Variants in PKD1L3 observed in about 807,000 individuals in gnomAD.
PKD1L3 encodes polycystin-1-like protein 3.
In PKD1L3, 239 loss-of-function variants were observed where a neutral mutation model predicts 184.1. The observed-to-expected ratio is 1.30, with a 90% CI of 1.17 to 1.45. The LOEUF is 1.45. PKD1L3 is among the 40% of genes most tolerant of loss of function. PKD1L3 has a pLI of 0.00. For synonymous variants in PKD1L3, 996 were observed against 778.8 expected (o/e 1.28, Z -4.64); for missense variants, 2,660 against 2,067.2 (o/e 1.29, Z -5.56).
intron 19 of PKD1L3, 42 bp downstream of exon 19, chr16:71,951,522 A>T: frequency 6.6e-7 from 1 of 1,511,564 alleles, no homozygotes; most frequent in African/African-American, 1.4e-5. Flanking sequence ...AGGGAGTGGG[A>T]GGCAGATGGA....
chr16:71,963,557 G>A (rs1284848255), intron 15 of PKD1L3, among the ~76,000 whole-genome samples: 1 of 152,186 alleles, frequency 6.6e-6, no homozygotes, highest in East Asian at 1.9e-4. Context: ...TGAGGCAGGT[G>A]GATTGCTTGA....
intron 3 of PKD1L3, 149 bp downstream of exon 3, chr16:71,993,067 G>C: frequency 2.0e-6 from 1 of 501,462 alleles, no homozygotes; most frequent in Non-Finnish European, 3.4e-6. Context: ...TGAAGGCAAA[G>C]ACTGCCATAT....
rs1294261218 is a variant in PKD1L3 at position 71,973,497 on chromosome 16, G to C, written c.1780C>G (p.Leu594Val). ...WQKDEEYTWV[L>V]NPEHLQHGIG... ...CCGTGCTGCAGATGCTCTGGATTCA[G>C]CACCCACGTGTACTCCTCATCTTAG... The change falls in exon 12 of 30, where the codon CTG becomes GTG. Residue 594 changes from leucine to valine, a missense_variant. Transcript: ENST00000620267. 3 of 1,551,768 alleles carry C rather than the reference G, an allele frequency of 1.9e-6. No homozygotes were observed.
At chr16:71,952,294 C>T (rs899601972) in intron 18 of PKD1L3, among the ~76,000 whole-genome samples, 3 of 144,230 alleles carry the variant, frequency 2.1e-5, no homozygotes, top group Non-Finnish European at 3.0e-5. Context: ...CTCACTGCAA[C>T]CTCCGCCTCC....
At chr16:71,979,064 G>C (rs187204329) in intron 9 of PKD1L3, among the ~76,000 whole-genome samples, 301 of 152,272 alleles carry the variant, frequency 2.0e-3, no homozygotes, top group African/African-American at 7.0e-3. Flanking sequence ...TATTTGTCAG[G>C]TAACTGCTGA....
chr16:71,967,190 C>G lies in PKD1L3; in HGVS notation c.2412G>C (p.Gly804=). Residue 804 remains glycine (G), a synonymous_variant, in exon 15 of 30, where the codon GGG becomes GGC. Coordinates refer to ENST00000620267, the MANE Select transcript of PKD1L3 (RefSeq NM_181536.2). ...GCCAGAGCCGAAGGCTGTGCAGGTT[C>G]CCTAGAGAGGTCCAAGTGGTGAGAA... is the stretch of plus-strand genomic sequence containing the variant. The part of the protein sequence containing the change: ...VFLLTTWTSL[G]NLHSLRLWHD... 6.4e-7 allele frequency: 1 copy of G among 1,551,692 alleles called. No individual in the cohort carries two copies. The highest frequency in any genetic ancestry group is 1.4e-5 in the African/African-American group (1 of 73,170).
intron 28 of PKD1L3, among the ~76,000 whole-genome samples, chr16:71,932,861 C>T (rs113140571): frequency 0.015 from 2,210 of 143,732 alleles, 31 homozygotes; most frequent in Non-Finnish European, 0.024. Flanking sequence ...CTTATTGCAG[C>T]TTCCAACTCC....
intron 26 of PKD1L3, among the ~76,000 whole-genome samples, chr16:71,934,804 T>A (rs1217273968): frequency 6.6e-6 from 1 of 152,162 alleles, no homozygotes; most frequent in Non-Finnish European, 1.5e-5. Context: ...GTTACACAGA[T>A]CACCACCCAG....
Position 71,951,747 on chromosome 16 carries a change from G to C in PKD1L3, c.3010-3C>G, listed in dbSNP as rs1232426197. On this transcript the variant is annotated splice_polypyrimidine_tract_variant and splice_region_variant and intron_variant, in intron 18 of 29. Coordinates refer to ENST00000620267, the MANE Select transcript of PKD1L3 (RefSeq NM_181536.2). ...AATCTCACAGTTTCCTTTAATTCCT[G>C]AATGTAGGACCAGATGAGAAAAATC... 6.5e-7 allele frequency: 1 copy of C among 1,549,100 alleles called. No individual in the cohort carries two copies.
chr16:71,971,457 A>G (rs1008211886), intron 12 of PKD1L3, among the ~76,000 whole-genome samples: 14 of 152,296 alleles, frequency 9.2e-5, no homozygotes, highest in Admixed American at 3.3e-4. Flanking sequence ...TGGAGGCCCA[A>G]TCTAGTCTGC....
At position 71,977,401 on chromosome 16, in the gene PKD1L3, G is replaced by A. The variant is rs909224194; in HGVS notation, c.1594C>T (p.Leu532Phe). Residue 532 changes from leucine to phenylalanine, a missense_variant, in exon 11 of 30, where the codon CTT becomes TTT. Physicochemically the swap from Leu to Phe is conservative, Grantham distance 22. Coordinates refer to ENST00000620267, the MANE Select transcript of PKD1L3 (RefSeq NM_181536.2). ...GAAGTGACGTTCACTGTGATTGTAA[G>A]CTGATGTGTGCTCATGTTGAGGCTG... ...PTSLNMSTHQLTITVNVTSLE... is the reference protein window; with the variant it reads ...PTSLNMSTHQFTITVNVTSLE... The A allele has an allele frequency of 6.4e-6, 10 of 1,551,578 alleles. No individual in the cohort carries two copies. Among genetic ancestry groups the A allele is most frequent in the Non-Finnish European group, 7.8e-6 (9 of 1,146,876 alleles).
Position 71,970,030 on chromosome 16 carries a change from CAAA to C in PKD1L3, c.2026_2028del (p.Phe676del). The C allele has an allele frequency of 6.4e-7, 1 of 1,551,630 alleles. No homozygotes were observed. The highest frequency in any genetic ancestry group is 8.7e-7 in the Non-Finnish European group (1 of 1,146,988). ...TCAACATTCACGGTCCTGGGCACGA[CAAA>C]GAAGTCGCTGGCAAAGAAGGTCAGG... On this transcript the variant is annotated inframe_deletion, in exon 13 of 30. Transcript: ENST00000620267.
intron 3 of PKD1L3, among the ~76,000 whole-genome samples, chr16:71,990,789 T>C (rs968410545): frequency 1.3e-5 from 2 of 150,558 alleles, no homozygotes; most frequent in South Asian, 2.1e-4. Flanking sequence ...AGGGAACCTA[T>C]GATGATCACT....
chr16:71,935,497 TCTG>T lies in PKD1L3; in HGVS notation c.4471_4473del (p.Gln1491del), dbSNP rs2038144840. On this transcript the variant is annotated inframe_deletion, in exon 26 of 30. Transcript: ENST00000620267. The stretch of plus-strand genomic sequence containing the variant: ...CTTTTCCCAGTGAAGAACCTCCACT[TCTG>T]CTGTTTCAGCTGACAACCCTAAACA... 1 of 1,552,202 alleles carries T rather than the reference TCTG, an allele frequency of 6.4e-7. No individual in the cohort carries two copies. Among genetic ancestry groups the T allele is most frequent in the Non-Finnish European group, 8.7e-7 (1 of 1,147,078 alleles).
At chr16:71,963,142 G>A (rs190760104) in intron 16 of PKD1L3, 63 bp downstream of exon 16, 39 of 1,408,320 alleles carry the variant, frequency 2.8e-5, no homozygotes, top group East Asian at 1.8e-4. Context: ...CAATTCAATC[G>A]TGAACAATTC....
chr16:71,951,926 G>T (rs146605565), intron 18 of PKD1L3, among the ~76,000 whole-genome samples, 182 bp from the exon 19 acceptor site: 247 of 152,234 alleles, frequency 1.6e-3, no homozygotes, highest in African/African-American at 5.7e-3. Context: ...CATGGTAGCT[G>T]CAATACCAGT....
chr16:71,992,719 T>C (rs1597377854), intron 3 of PKD1L3, among the ~76,000 whole-genome samples: 1 of 152,230 alleles, frequency 6.6e-6, no homozygotes, highest in African/African-American at 2.4e-5. Flanking sequence ...GATCAGGACA[T>C]CTAACATTTG....
At position 71,977,483 on chromosome 16, in the gene PKD1L3, G is replaced by T; in HGVS notation, c.1528-16C>A. On this transcript the variant is annotated splice_polypyrimidine_tract_variant and intron_variant, in intron 10 of 29. Coordinates refer to ENST00000620267, the MANE Select transcript of PKD1L3 (RefSeq NM_181536.2). ...AGAGCATGATCTAGAATAAGAGACA[G>T]TTAATCATTATAATGGTCCATCCAT... 6.7e-7 allele frequency: 1 copy of T among 1,497,014 alleles called. No individual in the cohort carries two copies. The highest frequency in any genetic ancestry group is 2.0e-5 in the Admixed American group (1 of 50,238). The allele number at this position is 1,497,014 out of a possible 1,614,324, so 92.7% of individuals were successfully genotyped here. A position where few individuals can be genotyped will look rare whatever the true frequency, so the allele number is the denominator to read the frequency against.
intron 11 of PKD1L3, among the ~76,000 whole-genome samples, chr16:71,975,092 G>A (rs1257329655): frequency 6.6e-6 from 1 of 152,054 alleles, no homozygotes; most frequent in African/African-American, 2.4e-5. Flanking sequence ...GTCTTGCTCT[G>A]TCACCCAGGC....
Sources: gnomAD v4.1 joint callset for allele counts (sites outside exome capture counted in the v4.1 genomes callset) on GRCh38, gnomAD v4.1.1 for gene constraint, MANE v1.5 for transcripts, NCBI Gene and HGNC (gene_info 2026-07-23, HGNC 2026-07-21) for gene names.